Variants in LRP1B observed in about 807,000 individuals in gnomAD.
LRP1B encodes LDL receptor related protein 1B.
In LRP1B, 217 loss-of-function variants were observed where a neutral mutation model predicts 556.6. The observed-to-expected ratio is 0.39, with a 90% confidence interval of 0.35 to 0.44. The LOEUF (loss-of-function observed/expected upper bound fraction) is 0.44, where lower values mean the gene tolerates loss of function less well. Ranked by LOEUF, LRP1B falls within the 20% of genes least tolerant of loss-of-function variation. The probability of loss-of-function intolerance (pLI) is 1.00; values close to 1 mark genes in which losing one functional copy is unlikely to be tolerated. For missense variants in LRP1B, 5,053 were observed against 5,620.8 expected (o/e 0.90, Z 3.23); for synonymous variants, 2,047 against 1,865.8 (o/e 1.10, Z -2.50).
chr2:141,575,989 T>C (rs549434404), intron 2 of LRP1B, among the ~76,000 whole-genome samples: 1 of 152,248 alleles, frequency 6.6e-6, no homozygotes, highest in East Asian at 1.9e-4. Flanking sequence ...ACACTGTTGG[T>C]GGGAATGTAA....
At chr2:140,890,628 T>A (rs1421954747) in intron 23 of LRP1B, among the ~76,000 whole-genome samples, 1 of 151,980 alleles carries the variant, frequency 6.6e-6, no homozygotes, top group East Asian at 1.9e-4. Flanking sequence ...AAGTATAAAT[T>A]TTCAAATGAT....
chr2:141,012,398 C>T (rs1413994711), intron 14 of LRP1B, among the ~76,000 whole-genome samples: 1 of 151,960 alleles, frequency 6.6e-6, no homozygotes, highest in Non-Finnish European at 1.5e-5. Context: ...CTATTCATAG[C>T]CTGGGCTCTT....
At chr2:140,648,765 G>A (rs892457407) in intron 41 of LRP1B, among the ~76,000 whole-genome samples, 1 of 152,152 alleles carries the variant, frequency 6.6e-6, no homozygotes, top group Non-Finnish European at 1.5e-5. Context: ...GAGATCCCAG[G>A]AGCCAGATGA....
intron 21 of LRP1B, among the ~76,000 whole-genome samples, chr2:140,919,525 G>T (rs544599856): frequency 2.1e-4 from 32 of 152,110 alleles, no homozygotes; most frequent in African/African-American, 7.7e-4. Context: ...TCCAGGTTCT[G>T]ATTTCCAGTA....
chr2:141,108,892 C>T (rs1319075638), intron 7 of LRP1B, among the ~76,000 whole-genome samples: 5 of 152,118 alleles, frequency 3.3e-5, no homozygotes. Flanking sequence ...CTTCTCTGAA[C>T]TAACCCCCTT....
chr2:140,564,668 T>A (rs1681060600), intron 43 of LRP1B, among the ~76,000 whole-genome samples: 1 of 152,106 alleles, frequency 6.6e-6, no homozygotes, highest in African/African-American at 2.4e-5. Flanking sequence ...CTTATTCCAG[T>A]CATCAATGGC....
chr2:140,812,609 C>CA lies in LRP1B; in HGVS notation c.5359+1047dup, dbSNP rs578014553. On this transcript the variant is annotated intron_variant, in intron 32 of 90. Coordinates refer to ENST00000389484, the MANE Select transcript of LRP1B (RefSeq NM_018557.3). ...AAAAATAATAAAACAACAACAACAT[C>CA]AAAAAAAAACCTCACAAACCTGAGA... 8.9e-3 allele frequency among the ~76,000 whole-genome samples: 1,325 copies of CA among 148,718 alleles called. 23 individuals carry two copies. The highest frequency in any genetic ancestry group is 0.03 in the African/African-American group (1,214 of 40,598).
At chr2:141,826,434 A>G (rs1696929479) in intron 1 of LRP1B, among the ~76,000 whole-genome samples, 1 of 132,804 alleles carries the variant, frequency 7.5e-6, no homozygotes, top group African/African-American at 2.9e-5. Context: ...ATCTCGGCTC[A>G]CTGCAAGCTC....
rs2090557 is a variant in LRP1B, at chr2:140,363,095, T to C, written c.11131+1566A>G. Among the ~76,000 whole-genome samples, 496 of 151,826 alleles carry C rather than the reference T, an allele frequency of 3.3e-3. 4 individuals carry two copies. Among genetic ancestry groups the C allele is most frequent in the African/African-American group, 0.012 (486 of 41,518 alleles). ...AGGTAGAGTTCATTGAATCTCTCTG[T>C]GCCTTTTCCATACTTTTAATTAATT... is the stretch of plus-strand genomic sequence containing the variant. On this transcript the variant is annotated intron_variant, in intron 72 of 90. Transcript: ENST00000389484.
At chr2:141,081,358 A>G (rs910978730) in intron 7 of LRP1B, among the ~76,000 whole-genome samples, 1 of 152,212 alleles carries the variant, frequency 6.6e-6, no homozygotes, top group African/African-American at 2.4e-5. Context: ...ATAAAATTTA[A>G]AAAAGAATAA....
chr2:140,997,038 C>T (rs1047069951), intron 15 of LRP1B, among the ~76,000 whole-genome samples: 3 of 151,940 alleles, frequency 2.0e-5, no homozygotes, highest in Non-Finnish European at 2.9e-5. Flanking sequence ...AAAACTGATA[C>T]AAAACCTGTA....
intron 2 of LRP1B, among the ~76,000 whole-genome samples, chr2:141,719,174 A>G (rs1692728710): frequency 6.6e-6 from 1 of 152,174 alleles, no homozygotes; most frequent in Admixed American, 6.5e-5. Context: ...CTAGTGATAC[A>G]AGGTGTAATT....
intron 86 of LRP1B, among the ~76,000 whole-genome samples, chr2:140,247,424 T>G (rs1423365121): frequency 6.6e-6 from 1 of 151,654 alleles, no homozygotes; most frequent in Non-Finnish European, 1.5e-5. Context: ...TTGGCACATT[T>G]TATAGCGATA....
At position 142,001,708 on chromosome 2, in the gene LRP1B, C is replaced by T. The variant is rs567360866; in HGVS notation, c.82+128940G>A. Among the ~76,000 whole-genome samples, 45 of 152,236 alleles carry T rather than the reference C, an allele frequency of 3.0e-4. 1 individual carries two copies. In the Middle Eastern group the frequency reaches 0.02, roughly 69 times the overall value. On this transcript the variant is annotated intron_variant, in intron 1 of 90. Coordinates refer to ENST00000389484, the MANE Select transcript of LRP1B (RefSeq NM_018557.3). ...TTTTCAGGAATATATCTAAAATATG[C>T]ATTGGTTTCCTATACTGCAGGCGTG...
intron 6 of LRP1B, among the ~76,000 whole-genome samples, chr2:141,204,770 C>G (rs1004636143): frequency 2.6e-5 from 4 of 151,938 alleles, no homozygotes; most frequent in African/African-American, 9.7e-5. Flanking sequence ...AACCCCGTCT[C>G]TACTAAAAAT....
intron 7 of LRP1B, among the ~76,000 whole-genome samples, chr2:141,121,306 A>G (rs932626734): frequency 1.3e-5 from 2 of 152,066 alleles, no homozygotes; most frequent in African/African-American, 4.8e-5. Flanking sequence ...ATGTATGAGG[A>G]TTTTATAACA....
At chr2:140,768,452 G>A (rs940433456) in intron 35 of LRP1B, among the ~76,000 whole-genome samples, 6 of 151,754 alleles carry the variant, frequency 4.0e-5, no homozygotes, top group Non-Finnish European at 8.8e-5. Flanking sequence ...GAAAACATAC[G>A]ATTTAGCATT....
chr2:141,475,197 A>T (rs1166097708), intron 3 of LRP1B, among the ~76,000 whole-genome samples: 1 of 151,960 alleles, frequency 6.6e-6, no homozygotes, highest in East Asian at 1.9e-4. Flanking sequence ...ACATGGTGAA[A>T]CCCCCTCTAT....
At chr2:141,847,604 A>G (rs1209446492) in intron 1 of LRP1B, among the ~76,000 whole-genome samples, 2 of 151,600 alleles carry the variant, frequency 1.3e-5, no homozygotes, top group Non-Finnish European at 3.0e-5. Context: ...CATACAGTAT[A>G]GTGCAATGGA....
Sources: gnomAD v4.1 joint callset for allele counts (sites outside exome capture counted in the v4.1 genomes callset) on GRCh38, gnomAD v4.1.1 for gene constraint, MANE v1.5 for transcripts, NCBI Gene and HGNC (gene_info 2026-07-23, HGNC 2026-07-21) for gene names.